The following MAP3K9 variants were observed in gnomAD, a reference collection of about 807,000 sequenced individuals.
MAP3K9 encodes mixed lineage kinase 1 (tyr and ser/thr specificity).
Under a neutral mutation model 95.8 loss-of-function variants are expected in MAP3K9, and 46 were observed. The observed-to-expected ratio is 0.48, with a 90% CI of 0.38 to 0.61. The LOEUF (loss-of-function observed/expected upper bound fraction) is 0.61. MAP3K9 is among the 20% of genes least tolerant of loss of function. The pLI, the probability that MAP3K9 is intolerant of heterozygous loss-of-function variation, is 0.00. For missense variants in MAP3K9, 1,296 were observed against 1,474.3 expected (o/e 0.88, Z 1.98); for synonymous variants, 533 against 593.8 (o/e 0.90, Z 1.49).
At position 70,734,421 on chromosome 14, in the gene MAP3K9, G is replaced by A. The variant is rs116289537; in HGVS notation, c.1991C>T (p.Pro664Leu). 304 of 1,614,000 alleles carry A rather than the reference G, an allele frequency of 1.9e-4. No individual in the cohort carries two copies. In the African/African-American group the frequency reaches 3.2e-3, roughly 17 times the overall value. ...PNLVKGPRSSPALPGFTSLME... is the reference protein window; with the variant it reads ...PNLVKGPRSSLALPGFTSLME... ...AAGGCTGGTGAACCCTGGCAGGGCC[G>A]GGCTACTCCTTGGGCCCTTCACCAG... is the stretch of plus-strand genomic sequence containing the variant. The change falls in exon 10 of 12, where the codon CCG becomes CTG. Residue 664 changes from proline to leucine, a missense_variant. Physicochemically the swap from Pro to Leu is moderately conservative, Grantham distance 98. Transcript: ENST00000554752.
At position 70,725,701 on chromosome 14, in the gene MAP3K9, CA is replaced by C. The variant is rs776376592; in HGVS notation, c.*4678del. The C allele has an allele frequency of 8.5e-5, 13 of 152,190 alleles. No homozygotes were observed. Among genetic ancestry groups the C allele is most frequent in the Non-Finnish European group, 1.8e-4 (12 of 68,040 alleles). The allele number at this position is 152,190 out of a possible 1,614,324, so 9.4% of individuals were successfully genotyped here. On this transcript the variant is annotated 3_prime_UTR_variant, in exon 12 of 12. Transcript: ENST00000554752. Reference sequence around the variant, plus strand: ...GATGCATTTGGTAATGCGTTTCTAACAATAGTATACCTTGACAAAGACAAGT... The same window carrying C: ...GATGCATTTGGTAATGCGTTTCTAACATAGTATACCTTGACAAAGACAAGT...
chr14:70,779,599 C>T (rs2054646936), intron 2 of MAP3K9, among the ~76,000 whole-genome samples: 1 of 152,218 alleles, frequency 6.6e-6, no homozygotes, highest in Non-Finnish European at 1.5e-5. Context: ...AGTGGTCCCA[C>T]TCCTCCTACC....
Position 70,772,304 on chromosome 14 carries a change from T to C in MAP3K9, c.821-11122A>G, listed in dbSNP as rs375190508. Among the ~76,000 whole-genome samples, 53 of 152,296 alleles carry C rather than the reference T, an allele frequency of 3.5e-4. No individual in the cohort carries two copies. The South Asian group carries it at 0.011, about 31-fold the overall frequency. On this transcript the variant is annotated intron_variant, in intron 2 of 11. Transcript: ENST00000554752. ...CAGAAAGGTGGAGAGAATTGGCTCC[T>C]TGGGGACTTAGGAGTCACTCCCTTT...
intron 2 of MAP3K9, among the ~76,000 whole-genome samples, chr14:70,774,045 T>C (rs2054563683): frequency 1.3e-5 from 2 of 152,200 alleles, no homozygotes; most frequent in African/African-American, 2.4e-5. Flanking sequence ...TATGATACAA[T>C]GAAAGATTTG....
At chr14:70,765,387 T>C in intron 2 of MAP3K9, 1 of 614,232 alleles carries the variant, frequency 1.6e-6, no homozygotes, top group Middle Eastern at 3.7e-4. Flanking sequence ...TTATAAGGTC[T>C]ATGGTGGTAT....
Position 70,730,186 on chromosome 14 carries a change from C to G in MAP3K9, c.*194G>C. The G allele has an allele frequency of 1.3e-6, 1 of 759,950 alleles. No individual in the cohort carries two copies. Among genetic ancestry groups the G allele is most frequent in the Non-Finnish European group, 2.0e-6 (1 of 490,720 alleles). The allele number at this position is 759,950 out of a possible 1,614,324, so 47.1% of individuals were successfully genotyped here. ...ATGGCCACAGCCCCTCCAGTGGACA[C>G]GGGTAGAAAGGCCCTGCAGGGCAGG... On this transcript the variant is annotated 3_prime_UTR_variant, in exon 12 of 12. Coordinates refer to ENST00000554752, the MANE Select transcript of MAP3K9 (RefSeq NM_001284230.2).
At chr14:70,730,904 C>G in intron 11 of MAP3K9, 40 bp from the exon 12 acceptor site, 1 of 1,562,558 alleles carries the variant, frequency 6.4e-7, no homozygotes, top group Non-Finnish European at 8.6e-7. Flanking sequence ...AGATGAGGCA[C>G]CATATTTCGG....
At position 70,808,965 on chromosome 14, in the gene MAP3K9, G is replaced by T; in HGVS notation, c.207C>A (p.Asp69Glu). Residue 69 changes from aspartate (D) to glutamate (E), a missense_variant, in exon 1 of 12, where the codon GAC (aspartate) becomes GAA (glutamate). By Grantham distance (45) the Asp-to-Glu change is conservative. Coordinates refer to ENST00000554752, the MANE Select transcript of MAP3K9 (RefSeq NM_001284230.2). ...CGTCGCCCAGCCGCAGGGTCAGCTC[G>T]TCCTCGCCCGCCGCCTCGTACTCGA... ...AVFEYEAAGE[D>E]ELTLRLGDVV... The T allele has an allele frequency of 6.4e-7, 1 of 1,572,714 alleles. No homozygotes were observed.
intron 2 of MAP3K9, among the ~76,000 whole-genome samples, chr14:70,798,627 C>T (rs1013478615): frequency 6.6e-6 from 1 of 150,742 alleles, no homozygotes; most frequent in Non-Finnish European, 1.5e-5. Flanking sequence ...TACAGGCACC[C>T]GCCACTACGC....
intron 2 of MAP3K9, among the ~76,000 whole-genome samples, chr14:70,790,512 C>G (rs1170766236): frequency 6.6e-6 from 1 of 152,184 alleles, no homozygotes; most frequent in Admixed American, 6.5e-5. Flanking sequence ...CTGGGGCCCA[C>G]GTTCTTTCCA....
At chr14:70,783,884 C>T (rs2054713554) in intron 2 of MAP3K9, among the ~76,000 whole-genome samples, 1 of 152,206 alleles carries the variant, frequency 6.6e-6, no homozygotes, top group Non-Finnish European at 1.5e-5. Flanking sequence ...GTGTCCAAAC[C>T]CTTTTTGAAT....
At chr14:70,799,103 A>G (rs1843403209) in intron 2 of MAP3K9, among the ~76,000 whole-genome samples, 1 of 152,204 alleles carries the variant, frequency 6.6e-6, no homozygotes, top group South Asian at 2.1e-4. Context: ...AAAGGGAAAC[A>G]TTATAGGTTA....
chr14:70,736,061 A>C, intron 8 of MAP3K9, 32 bp from the exon 9 acceptor site: 1 of 1,445,442 alleles, frequency 6.9e-7, no homozygotes, highest in South Asian at 1.1e-5. Flanking sequence ...AGTAGCAGGC[A>C]ATGGAGGGCA....
chr14:70,764,693 G>A (rs935461708), intron 2 of MAP3K9, among the ~76,000 whole-genome samples: 2 of 152,088 alleles, frequency 1.3e-5, no homozygotes, highest in Non-Finnish European at 2.9e-5. Flanking sequence ...TTAGCCAGGT[G>A]TGGTGGTGCA....
chr14:70,761,360 C>T (rs1478967790), intron 2 of MAP3K9, among the ~76,000 whole-genome samples, 178 bp from the exon 3 acceptor site: 2 of 152,274 alleles, frequency 1.3e-5, no homozygotes, highest in Admixed American at 6.5e-5. Context: ...CATTTTTGTA[C>T]CACCCATTTT....
At chr14:70,766,568 G>A (rs934559082) in intron 2 of MAP3K9, among the ~76,000 whole-genome samples, 5 of 152,244 alleles carry the variant, frequency 3.3e-5, no homozygotes, top group South Asian at 2.1e-4. Flanking sequence ...CACTTACTAC[G>A]TAGCAGCACG....
At chr14:70,765,913 C>A (rs2054448563) in intron 2 of MAP3K9, among the ~76,000 whole-genome samples, 1 of 151,948 alleles carries the variant, frequency 6.6e-6, no homozygotes, top group Non-Finnish European at 1.5e-5. Context: ...TGTATCCCTG[C>A]CATTAAGTGA....
Position 70,735,988 on chromosome 14 carries a change from G to A in MAP3K9, c.1886C>T (p.Pro629Leu), listed in dbSNP as rs764239615. The change falls in exon 9 of 12, where the codon CCA becomes CTA. Residue 629 changes from proline to leucine, a missense_variant. Coordinates refer to ENST00000554752, the MANE Select transcript of MAP3K9 (RefSeq NM_001284230.2). ...CAAGTGGAAATGTGGAGATTCTGAT[G>A]GGGTACTTAAACCATTAGCTTTCTC... ...RREKANGLST[P>L]SESPHFHLGL... 5.0e-6 allele frequency: 8 copies of A among 1,613,366 alleles called. No homozygotes were observed. In the African/African-American group the frequency reaches 9.4e-5, roughly 19 times the overall value.
chr14:70,759,946 G>C (rs957500866), intron 3 of MAP3K9, among the ~76,000 whole-genome samples: 4 of 152,024 alleles, frequency 2.6e-5, no homozygotes, highest in Non-Finnish European at 5.9e-5. Flanking sequence ...GTAGAGATGG[G>C]GGTCTCGCTA....
Sources: gnomAD v4.1 joint callset for allele counts (sites outside exome capture counted in the v4.1 genomes callset) on GRCh38, gnomAD v4.1.1 for gene constraint, MANE v1.5 for transcripts, NCBI Gene and HGNC (gene_info 2026-07-23, HGNC 2026-07-21) for gene names.